Variants in NPHP4 observed in about 807,000 individuals in gnomAD.
NPHP4 encodes nephrocystin 4.
A neutral mutation model predicts 155.8 loss-of-function variants in NPHP4; 151 were observed. That is an observed-to-expected ratio of 0.97 (90% CI 0.85 to 1.11). The LOEUF is 1.11. NPHP4 is among the 50% of genes least tolerant of loss of function. The pLI is 0.00. For missense variants in NPHP4, 1,956 were observed against 1,925.7 expected (o/e 1.02, Z -0.29); for synonymous variants, 845 against 816.8 (o/e 1.03, Z -0.59).
At chr1:5,916,178 G>T (rs753077356) in intron 11 of NPHP4, among the ~76,000 whole-genome samples, 1 of 152,076 alleles carries the variant, frequency 6.6e-6, no homozygotes, top group Non-Finnish European at 1.5e-5. Flanking sequence ...GCCCTCTAGC[G>T]GCTCAATGCA....
intron 16 of NPHP4, among the ~76,000 whole-genome samples, chr1:5,903,349 C>T (rs1201331988): frequency 2.6e-5 from 4 of 152,142 alleles, no homozygotes; most frequent in Non-Finnish European, 1.5e-5. Context: ...TGATCCCTAG[C>T]GCTGCATTTG....
chr1:5,868,959 GCA>G (rs543184069), intron 23 of NPHP4, among the ~76,000 whole-genome samples: 35 of 104,478 alleles, frequency 3.3e-4, no homozygotes, highest in East Asian at 1.3e-3. Flanking sequence ...CACACACAAT[GCA>G]CACACACATG....
At chr1:5,863,610 A>G in intron 29 of NPHP4, 1 of 636,600 alleles carries the variant, frequency 1.6e-6, no homozygotes, top group Non-Finnish European at 2.7e-6. Flanking sequence ...CGTTACTTGG[A>G]CTCGAAGGCA....
At chr1:5,886,615 T>G (rs897050137) in intron 18 of NPHP4, 1 of 152,314 alleles carries the variant, frequency 6.6e-6, no homozygotes. Context: ...CAGGGTCCCA[T>G]GTCGGTCCTC....
At chr1:5,991,778 G>T (rs550692137) in intron 1 of NPHP4, among the ~76,000 whole-genome samples, 1 of 152,232 alleles carries the variant, frequency 6.6e-6, no homozygotes, top group East Asian at 1.9e-4. Flanking sequence ...GGAGCCGGGG[G>T]GCGGGGAGGA....
chr1:5,863,555 AGCGCCC>A, intron 29 of NPHP4, 150 bp from the exon 30 acceptor site: 1 of 848,442 alleles, frequency 1.2e-6, no homozygotes. Flanking sequence ...CTTTGACTTC[AGCGCCC>A]GGTACAAGGA....
intron 23 of NPHP4, chr1:5,868,103 C>T (rs1484645105): frequency 1.4e-6 from 1 of 700,068 alleles, no homozygotes; most frequent in Non-Finnish European, 2.6e-6. Context: ...TAAGCAAGGT[C>T]TGGGCCGGCA....
intron 1 of NPHP4, among the ~76,000 whole-genome samples, chr1:5,990,464 A>C (rs1656069999): frequency 6.6e-6 from 1 of 152,136 alleles, no homozygotes; most frequent in South Asian, 2.1e-4. Context: ...AAAAAGAAGA[A>C]GAAGAAAATA....
rs150781253 is a variant in NPHP4, at chr1:5,931,635, G to C, written c.1302+1512C>G. Among the ~76,000 whole-genome samples, 52 of 150,094 alleles carry C rather than the reference G, an allele frequency of 3.5e-4. No homozygotes were observed. In the East Asian group the frequency reaches 0.01, roughly 29 times the overall value. On this transcript the variant is annotated intron_variant, in intron 10 of 29. Coordinates refer to ENST00000378156, the MANE Select transcript of NPHP4 (RefSeq NM_015102.5). ...TATAATCCCAGCTACTTGGGAGGCTGAGCCAGAAGAATCGCGTGAACCTGG... is the reference window on the plus strand; with the variant it reads ...TATAATCCCAGCTACTTGGGAGGCTCAGCCAGAAGAATCGCGTGAACCTGG...
chr1:5,873,160 C>T (rs761595977), intron 23 of NPHP4, 92 bp downstream of exon 23: 84 of 1,156,406 alleles, frequency 7.3e-5, no homozygotes, highest in Non-Finnish European at 1.0e-4. Context: ...CCCCAGCCCT[C>T]CCCTCCAGGA....
intron 8 of NPHP4, 115 bp from the exon 9 acceptor site, chr1:5,947,345 C>G: frequency 1.9e-6 from 2 of 1,071,586 alleles, no homozygotes; most frequent in Non-Finnish European, 2.8e-6. Flanking sequence ...CACAGGGGTG[C>G]TGCTGCAACA....
At chr1:5,914,775 G>A (rs953853813) in intron 11 of NPHP4, among the ~76,000 whole-genome samples, 6 of 152,246 alleles carry the variant, frequency 3.9e-5, no homozygotes, top group African/African-American at 1.2e-4. Flanking sequence ...TTCCTAGGCT[G>A]AAGGGAGCAG....
chr1:5,939,072 G>C (rs1035565378), intron 9 of NPHP4, among the ~76,000 whole-genome samples: 7 of 152,098 alleles, frequency 4.6e-5, no homozygotes, highest in Non-Finnish European at 1.0e-4. Context: ...TAATAAAAGT[G>C]AGATACTTCA....
chr1:5,959,916 C>A (rs1474339776), intron 6 of NPHP4, among the ~76,000 whole-genome samples: 1 of 152,164 alleles, frequency 6.6e-6, no homozygotes, highest in African/African-American at 2.4e-5. Flanking sequence ...CAGCTAGTTC[C>A]AAGATCAATA....
intron 5 of NPHP4, among the ~76,000 whole-genome samples, chr1:5,964,941 A>ATATTTTTTTTTTTTTTTTTTT: frequency 3.4e-5 from 2 of 59,418 alleles, no homozygotes; most frequent in African/African-American, 8.5e-5. Context: ...ATATATATAT[A>ATATTTTTTTTTTTTTTTTTTT]TTTTTTTTTT....
At chr1:5,985,967 G>A (rs1655419819) in intron 2 of NPHP4, among the ~76,000 whole-genome samples, 188 bp downstream of exon 2, 1 of 152,138 alleles carries the variant, frequency 6.6e-6, no homozygotes, top group Non-Finnish European at 1.5e-5. Flanking sequence ...ATAAAATGTT[G>A]GGTATCTCCT....
In NPHP4 at chr1:5,952,685, C is replaced by A. The variant is rs368702718; in HGVS notation, c.810+15G>T. The A allele has an allele frequency of 7.1e-6, 11 of 1,546,486 alleles. No homozygotes were observed. The highest frequency in any genetic ancestry group is 5.5e-5 in the African/African-American group (4 of 72,600). On this transcript the variant is annotated intron_variant, in intron 7 of 29. Coordinates refer to ENST00000378156, the MANE Select transcript of NPHP4 (RefSeq NM_015102.5). Reference sequence around the variant, plus strand: ...TGGCCCCACCCTGCCCCCCATCACGCTTCTGACTCCACACCTCCTGGAAGT... The same window carrying A: ...TGGCCCCACCCTGCCCCCCATCACGATTCTGACTCCACACCTCCTGGAAGT...
intron 19 of NPHP4, among the ~76,000 whole-genome samples, chr1:5,878,637 T>C (rs1376614598): frequency 1.3e-5 from 2 of 152,182 alleles, no homozygotes; most frequent in Non-Finnish European, 2.9e-5. Context: ...CATGTGCTTT[T>C]AAGGGACACC....
rs1171703016 is a variant in NPHP4, at chr1:5,880,098, A to C, written c.2611+16T>G. 2 of 1,613,578 alleles carry C rather than the reference A, an allele frequency of 1.2e-6. No individual in the cohort carries two copies. The highest frequency in any genetic ancestry group is 1.7e-5 in the Admixed American group (1 of 59,982). On this transcript the variant is annotated intron_variant, in intron 19 of 29. Transcript: ENST00000378156. ...TCACGACCCACCCACACATGGGCCC[A>C]ACAGTGTAAACTCACGCCTTGAGCT...
Sources: allele counts gnomAD v4.1 joint callset (sites outside exome capture counted in the v4.1 genomes callset), GRCh38; gene constraint gnomAD v4.1.1; transcripts MANE v1.5; gene names NCBI Gene and HGNC (gene_info 2026-07-23, HGNC 2026-07-21).